GPC5: variants seen among roughly 807,000 people sequenced by gnomAD.
The protein encoded by GPC5 is glypican 5.
Under a neutral mutation model 53.9 loss-of-function variants are expected in GPC5, and 47 were observed. That is an observed-to-expected ratio of 0.87 (90% CI 0.69 to 1.11). GPC5 has a LOEUF of 1.11. Among genes scored for constraint, GPC5 ranks in the 50% most tolerant of loss-of-function variants. The pLI, the probability that GPC5 is intolerant of heterozygous loss-of-function variation, is 0.00. For missense variants in GPC5, 748 were observed against 713.1 expected (o/e 1.05, Z -0.56); for synonymous variants, 286 against 263.3 (o/e 1.09, Z -0.84).
intron 7 of GPC5, among the ~76,000 whole-genome samples, chr13:92,655,686 A>G (rs1042524531): frequency 3.9e-5 from 6 of 152,152 alleles, no homozygotes; most frequent in African/African-American, 1.2e-4. Flanking sequence ...GTTAGTAAGC[A>G]TTTCTATCTG....
chr13:91,646,590 G>A (rs1436110506), intron 2 of GPC5, among the ~76,000 whole-genome samples: 1 of 152,026 alleles, frequency 6.6e-6, no homozygotes, highest in Non-Finnish European at 1.5e-5. Flanking sequence ...ATGGTTTAAT[G>A]GCTTTATTTT....
chr13:92,734,227 CTT>C (rs1888880352), intron 7 of GPC5, among the ~76,000 whole-genome samples: 1 of 151,810 alleles, frequency 6.6e-6, no homozygotes, highest in South Asian at 2.1e-4. Flanking sequence ...CCTTCTGACT[CTT>C]AACATTTTCA....
chr13:91,509,167 A>G, intron 2 of GPC5, among the ~76,000 whole-genome samples: 1 of 152,074 alleles, frequency 6.6e-6, no homozygotes, highest in East Asian at 1.9e-4. Flanking sequence ...TCTTAAATTT[A>G]TTATTCTAAT....
At chr13:92,489,720 T>C (rs1879687268) in intron 7 of GPC5, among the ~76,000 whole-genome samples, 1 of 152,106 alleles carries the variant, frequency 6.6e-6, no homozygotes, top group African/African-American at 2.4e-5. Flanking sequence ...TGAAGAAATA[T>C]CACCACGTTC....
At chr13:92,647,041 G>T (rs1210169951) in intron 7 of GPC5, among the ~76,000 whole-genome samples, 2 of 150,652 alleles carry the variant, frequency 1.3e-5, no homozygotes, top group African/African-American at 4.9e-5. Context: ...GCCTTTTTGA[G>T]ATTTTCTAAA....
intron 7 of GPC5, among the ~76,000 whole-genome samples, chr13:92,763,626 G>C (rs1290893675): frequency 6.6e-6 from 1 of 152,188 alleles, no homozygotes; most frequent in Non-Finnish European, 1.5e-5. Flanking sequence ...CCTGGGGTCA[G>C]GTTCTCATAA....
At chr13:91,850,181 A>G (rs1251115733) in intron 5 of GPC5, among the ~76,000 whole-genome samples, 1 of 152,232 alleles carries the variant, frequency 6.6e-6, no homozygotes, top group Non-Finnish European at 1.5e-5. Context: ...TTGATAACCA[A>G]CATCAATTAA....
intron 6 of GPC5, among the ~76,000 whole-genome samples, chr13:92,009,673 C>T (rs535219188): frequency 5.5e-4 from 84 of 152,258 alleles, no homozygotes; most frequent in Non-Finnish European, 1.1e-3. Context: ...CCTGCAAATT[C>T]CAGCCACCTC....
intron 7 of GPC5, among the ~76,000 whole-genome samples, chr13:92,637,777 GA>G (rs144211290): frequency 6.6e-6 from 1 of 151,488 alleles, no homozygotes. Context: ...ATATTGAAGA[GA>G]AAAAAAATCA....
chr13:92,504,839 G>A (rs1044780183), intron 7 of GPC5, among the ~76,000 whole-genome samples: 1 of 151,860 alleles, frequency 6.6e-6, no homozygotes, highest in African/African-American at 2.4e-5. Context: ...GCTCTAAATT[G>A]ATCATAGATG....
At chr13:92,043,761 G>A (rs1594740998) in intron 6 of GPC5, among the ~76,000 whole-genome samples, 1 of 152,290 alleles carries the variant, frequency 6.6e-6, no homozygotes, top group East Asian at 1.9e-4. Flanking sequence ...TCATGTATAT[G>A]TATACAGACA....
chr13:92,052,367 G>C (rs2041037219), intron 6 of GPC5, among the ~76,000 whole-genome samples: 1 of 152,200 alleles, frequency 6.6e-6, no homozygotes, highest in African/African-American at 2.4e-5. Flanking sequence ...CAGACCCAAA[G>C]AGTGAGCAGC....
At chr13:92,588,610 AG>A (rs2139063912) in intron 7 of GPC5, among the ~76,000 whole-genome samples, 1 of 152,290 alleles carries the variant, frequency 6.6e-6, no homozygotes, top group Admixed American at 6.5e-5. Flanking sequence ...GTCTCTTTCT[AG>A]GCATGTGCCC....
At chr13:91,460,062 C>T (rs570844822) in intron 2 of GPC5, among the ~76,000 whole-genome samples, 68 of 152,154 alleles carry the variant, frequency 4.5e-4, no homozygotes, top group African/African-American at 1.5e-3. Flanking sequence ...TTTGTTTTCA[C>T]TTTATAAAAT....
Position 92,330,685 on chromosome 13 carries a change from A to G in GPC5, c.1561+185696A>G, listed in dbSNP as rs1357953872. Among the ~76,000 whole-genome samples the G allele has an allele frequency of 3.3e-5, 5 of 152,164 alleles. No homozygotes were observed. In the East Asian group the frequency reaches 9.6e-4, roughly 29 times the overall value. On this transcript the variant is annotated intron_variant, in intron 7 of 7. Transcript: ENST00000377067. ...GTATTACTTTTATTTAAGAGTATTT[A>G]TCTTTCCTAAGAGTCTTGTCAATTT...
chr13:91,901,898 A>G (rs1461900868), intron 5 of GPC5, among the ~76,000 whole-genome samples: 3 of 151,962 alleles, frequency 2.0e-5, no homozygotes, highest in Non-Finnish European at 4.4e-5. Flanking sequence ...AACCAATCAA[A>G]CAACAACAAG....
chr13:91,558,163 T>G (rs764464279), intron 2 of GPC5, among the ~76,000 whole-genome samples: 2 of 152,132 alleles, frequency 1.3e-5, no homozygotes, highest in African/African-American at 4.8e-5. Context: ...TGGTTGTTGC[T>G]GAGAAGTGAG....
intron 7 of GPC5, among the ~76,000 whole-genome samples, chr13:92,361,656 G>A (rs572146390): frequency 1.3e-5 from 2 of 151,790 alleles, no homozygotes; most frequent in South Asian, 2.1e-4. Context: ...GTACTGAGAT[G>A]CAGGCAGCTA....
At chr13:91,603,681 T>C (rs2033254749) in intron 2 of GPC5, among the ~76,000 whole-genome samples, 1 of 152,234 alleles carries the variant, frequency 6.6e-6, no homozygotes, top group South Asian at 2.1e-4. Flanking sequence ...ATTTGTTCTC[T>C]TTTTAGAGAG....
Sources: gnomAD v4.1 joint callset for allele counts (sites outside exome capture counted in the v4.1 genomes callset) on GRCh38, gnomAD v4.1.1 for gene constraint, MANE v1.5 for transcripts, NCBI Gene and HGNC (gene_info 2026-07-23, HGNC 2026-07-21) for gene names.